KCNU1: variants seen among roughly 807,000 people sequenced by gnomAD.
KCNU1 encodes potassium channel subfamily U member 1.
In KCNU1, 93 loss-of-function variants were observed where a neutral mutation model predicts 126.8. The observed-to-expected ratio is 0.73, with a 90% confidence interval of 0.62 to 0.87. The LOEUF is 0.87. KCNU1 is among the 40% of genes least tolerant of loss of function. KCNU1 has a pLI of 0.00. For synonymous variants in KCNU1, 523 were observed against 494.2 expected (o/e 1.06, Z -0.77); for missense variants, 1,330 against 1,367.1 (o/e 0.97, Z 0.43).
chr8:36,858,223 ATCCCTG>A (rs1026265424), intron 18 of KCNU1, among the ~76,000 whole-genome samples: 1 of 151,554 alleles, frequency 6.6e-6, no homozygotes, highest in African/African-American at 2.4e-5. Flanking sequence ...ATTTCCTGAA[ATCCCTG>A]TTATCTACAT....
chr8:36,832,124 C>G (rs1446990012), intron 10 of KCNU1, among the ~76,000 whole-genome samples: 1 of 152,158 alleles, frequency 6.6e-6, no homozygotes, highest in Non-Finnish European at 1.5e-5. Flanking sequence ...ATCTATATCT[C>G]TGTTTTGGTA....
intron 14 of KCNU1, 66 bp downstream of exon 14, chr8:36,837,011 T>A: frequency 6.5e-7 from 1 of 1,527,266 alleles, no homozygotes; most frequent in South Asian, 1.2e-5. Context: ...AGATCAGAAA[T>A]AGGAAAAAAA....
chr8:36,836,204 A>G, intron 12 of KCNU1, 92 bp from the exon 13 acceptor site: 1 of 796,974 alleles, frequency 1.3e-6, no homozygotes, highest in Admixed American at 2.2e-5. Context: ...TTCTACACTT[A>G]CCTACATATC....
chr8:36,901,974 G>A (rs999218017), intron 19 of KCNU1, among the ~76,000 whole-genome samples: 1 of 152,078 alleles, frequency 6.6e-6, no homozygotes, highest in Non-Finnish European at 1.5e-5. Context: ...TTCTAAGACT[G>A]CTAGTGCTGA....
At chr8:36,908,682 C>A (rs1160122513) in intron 20 of KCNU1, among the ~76,000 whole-genome samples, 2 of 151,984 alleles carry the variant, frequency 1.3e-5, no homozygotes, top group Non-Finnish European at 2.9e-5. Context: ...TATAATATTT[C>A]TTTTTCTTGT....
At chr8:36,872,450 G>T (rs1563307873) in intron 19 of KCNU1, among the ~76,000 whole-genome samples, 1 of 152,154 alleles carries the variant, frequency 6.6e-6, no homozygotes, top group Non-Finnish European at 1.5e-5. Context: ...CTATGGTGGG[G>T]GCTCCAGCAG....
In KCNU1 at chr8:36,845,950, C is replaced by T. The variant is rs1198645687; in HGVS notation, c.1891+51C>T. 3 of 1,096,256 alleles carry T rather than the reference C, an allele frequency of 2.7e-6. No homozygotes were observed. The Admixed American group carries it at 6.1e-5, about 22-fold the overall frequency. 67.9% of individuals were successfully genotyped at this position (1,096,256 alleles called of 1,614,324 possible). ...CCTTAGCCCAGCCTCTAGGGAGCTG[C>T]CTGACGAAAGAGAAGAGGGTTCCAT... On this transcript the variant is annotated intron_variant, in intron 18 of 26. Transcript: ENST00000399881.
chr8:36,847,761 T>TAGTC (rs1264365780), intron 18 of KCNU1, among the ~76,000 whole-genome samples: 2 of 152,250 alleles, frequency 1.3e-5, no homozygotes, highest in African/African-American at 4.8e-5. Context: ...CTATTGTGTA[T>TAGTC]AGTCCTACAA....
chr8:36,794,909 CAGAGCAAAACTGTCTCA>C (rs1803037188), intron 2 of KCNU1, among the ~76,000 whole-genome samples: 1 of 151,982 alleles, frequency 6.6e-6, no homozygotes, highest in South Asian at 2.1e-4. Flanking sequence ...GCCTGGGCAA[CAGAGCAAAACTGTCTCA>C]ACAAAAACAA....
chr8:36,829,070 C>A (rs1215750717), intron 10 of KCNU1, among the ~76,000 whole-genome samples: 1 of 152,086 alleles, frequency 6.6e-6, no homozygotes, highest in African/African-American at 2.4e-5. Context: ...CTTTCCGTGA[C>A]ATACTCATCC....
intron 19 of KCNU1, among the ~76,000 whole-genome samples, chr8:36,900,199 G>T: frequency 6.6e-6 from 1 of 152,136 alleles, no homozygotes; most frequent in East Asian, 1.9e-4. Flanking sequence ...CATGGAAAAG[G>T]AAGGAATCGC....
chr8:36,784,527 C>A lies in KCNU1; in HGVS notation c.117C>A (p.Leu39=). 6.2e-7 allele frequency: 1 copy of A among 1,613,692 alleles called. No homozygotes were observed. Among genetic ancestry groups the A allele is most frequent in the Non-Finnish European group, 8.5e-7 (1 of 1,179,628 alleles). ...LSSFVTFFSG[L]IILLIFRLIW... ...CCTTTGTGACCTTCTTCAGTGGACT[C>A]ATCATCCTGTTGATCTTCAGGCTGA... The change falls in exon 1 of 27, where the codon CTC becomes CTA. Residue 39 remains leucine, a synonymous_variant. Coordinates refer to ENST00000399881, the MANE Select transcript of KCNU1 (RefSeq NM_001031836.3).
At chr8:36,921,953 A>G (rs565870560) in intron 23 of KCNU1, among the ~76,000 whole-genome samples, 10 of 152,288 alleles carry the variant, frequency 6.6e-5, no homozygotes, top group Admixed American at 2.0e-4. Context: ...CCCTAGATCC[A>G]GTGAATCAGA....
rs775841062 is a variant in KCNU1, at chr8:36,817,770, T to C, written c.1106+10T>C. 3 of 1,313,316 alleles carry C rather than the reference T, an allele frequency of 2.3e-6. No homozygotes were observed. The highest frequency in any genetic ancestry group is 2.3e-5 in the East Asian group (1 of 43,432). 81.4% of individuals were successfully genotyped at this position (1,313,316 alleles called of 1,614,324 possible). A position where few individuals can be genotyped will look rare whatever the true frequency, so the allele number is the denominator to read the frequency against. ...TTGTTTTCCTGGGAGAGTAAGTATA[T>C]CTGTATGGCTCATGGGTTCTAAATT... On this transcript the variant is annotated intron_variant, in intron 10 of 26. Transcript: ENST00000399881.
intron 19 of KCNU1, among the ~76,000 whole-genome samples, chr8:36,870,532 A>G (rs1806064245): frequency 6.6e-6 from 1 of 152,140 alleles, no homozygotes. Flanking sequence ...CTGAACTCCT[A>G]CTGAGAGCCA....
intron 15 of KCNU1, 35 bp downstream of exon 15, chr8:36,840,610 A>T (rs376168419): frequency 2.5e-5 from 29 of 1,182,998 alleles, no homozygotes; most frequent in Non-Finnish European, 3.4e-5. Flanking sequence ...CATTCTTCAG[A>T]CAACAGCATT....
intron 10 of KCNU1, among the ~76,000 whole-genome samples, chr8:36,824,258 T>A (rs905496380): frequency 1.3e-5 from 2 of 152,212 alleles, no homozygotes; most frequent in African/African-American, 4.8e-5. Flanking sequence ...TGCCTCCTTA[T>A]CTGCAGTTTT....
intron 13 of KCNU1, 54 bp downstream of exon 13, chr8:36,836,419 C>A (rs766142625): frequency 1.6e-6 from 2 of 1,234,998 alleles, no homozygotes; most frequent in South Asian, 1.3e-5. Context: ...TATAGCTAGA[C>A]GAACTTTTTA....
At chr8:36,854,481 T>TC (rs1430772103) in intron 18 of KCNU1, among the ~76,000 whole-genome samples, 1 of 151,722 alleles carries the variant, frequency 6.6e-6, no homozygotes. Context: ...TCTTTTTTTT[T>TC]TTTTTGCATG....
Sources: gnomAD v4.1 joint callset for allele counts (sites outside exome capture counted in the v4.1 genomes callset) on GRCh38, gnomAD v4.1.1 for gene constraint, MANE v1.5 for transcripts, NCBI Gene and HGNC (gene_info 2026-07-23, HGNC 2026-07-21) for gene names.